Variants in MRPL48 observed in about 807,000 individuals in gnomAD.
MRPL48 encodes the protein large ribosomal subunit protein mL48.
Under a neutral mutation model 32.9 loss-of-function variants are expected in MRPL48, and 16 were observed. The ratio of observed to expected loss-of-function variants is 0.49; its 90% CI spans 0.33 to 0.74. The LOEUF is 0.74. Among genes scored for constraint, MRPL48 ranks in the 30% least tolerant of loss-of-function variants. The pLI is 0.02. For missense variants in MRPL48, 206 were observed against 245.3 expected (o/e 0.84, Z 1.07); for synonymous variants, 94 against 89.2 (o/e 1.05, Z -0.31).
At chr11:73,844,004 G>A (rs796738232) in intron 4 of MRPL48, among the ~76,000 whole-genome samples, 10 of 152,096 alleles carry the variant, frequency 6.6e-5, no homozygotes, top group South Asian at 6.2e-4. Flanking sequence ...GCTTGAACCC[G>A]GGAGGTAGAG....
chr11:73,856,930 G>A (rs945205249), intron 5 of MRPL48, among the ~76,000 whole-genome samples: 1 of 152,008 alleles, frequency 6.6e-6, no homozygotes, highest in Non-Finnish European at 1.5e-5. Context: ...AAACCCATAC[G>A]TACTTTTACA....
chr11:73,822,463 A>G (rs1220718007), intron 3 of MRPL48, among the ~76,000 whole-genome samples: 4 of 152,184 alleles, frequency 2.6e-5, no homozygotes, highest in African/African-American at 9.7e-5. Flanking sequence ...TTGTCTTTGT[A>G]ACTGTCTCAG....
At chr11:73,857,636 C>T (rs1447396516) in intron 5 of MRPL48, among the ~76,000 whole-genome samples, 1 of 147,076 alleles carries the variant, frequency 6.8e-6, no homozygotes, top group Non-Finnish European at 1.5e-5. Context: ...GCTCTGTCGC[C>T]CAGGCTGGAG....
chr11:73,827,967 C>T (rs1223830138), intron 4 of MRPL48, among the ~76,000 whole-genome samples: 1 of 152,138 alleles, frequency 6.6e-6, no homozygotes, highest in African/African-American at 2.4e-5. Context: ...GTAAGTCAAC[C>T]TTCCCCGTCT....
At chr11:73,829,799 C>G (rs1373758187) in intron 4 of MRPL48, among the ~76,000 whole-genome samples, 1 of 152,220 alleles carries the variant, frequency 6.6e-6, no homozygotes, top group Non-Finnish European at 1.5e-5. Context: ...GGTTCTCGCT[C>G]TGTCACCCAG....
At chr11:73,863,428 C>T (rs1358402669) in intron 7 of MRPL48, among the ~76,000 whole-genome samples, 167 bp downstream of exon 7, 1 of 152,052 alleles carries the variant, frequency 6.6e-6, no homozygotes, top group African/African-American at 2.4e-5. Context: ...ATCATTAGTC[C>T]AGCTTCTGAG....
At chr11:73,815,368 C>T (rs1947645068) in intron 3 of MRPL48, among the ~76,000 whole-genome samples, 2 of 151,946 alleles carry the variant, frequency 1.3e-5, no homozygotes, top group East Asian at 1.9e-4. Flanking sequence ...GAGCCGAGAC[C>T]ACGCCATCGC....
intron 4 of MRPL48, among the ~76,000 whole-genome samples, chr11:73,837,151 C>G (rs1336915812): frequency 6.6e-6 from 1 of 152,144 alleles, no homozygotes; most frequent in Non-Finnish European, 1.5e-5. Flanking sequence ...GGCATATCAG[C>G]CTTTTTGTTT....
intron 3 of MRPL48, among the ~76,000 whole-genome samples, chr11:73,815,895 T>A (rs1295506017): frequency 1.3e-5 from 2 of 150,860 alleles, no homozygotes; most frequent in African/African-American, 4.8e-5. Flanking sequence ...GACTTTTATT[T>A]TTTTTTTTTT....
At chr11:73,795,788 G>C (rs1251989517) in intron 1 of MRPL48, among the ~76,000 whole-genome samples, 1 of 152,074 alleles carries the variant, frequency 6.6e-6, no homozygotes, top group African/African-American at 2.4e-5. Flanking sequence ...TTACAGGCTT[G>C]AGCCACTGCA....
chr11:73,790,578 G>T (rs1475505327), intron 1 of MRPL48, among the ~76,000 whole-genome samples: 4 of 151,238 alleles, frequency 2.6e-5, no homozygotes, highest in Non-Finnish European at 5.9e-5. Flanking sequence ...TAGAGACGGG[G>T]TTTCACCGTG....
chr11:73,859,939 T>C lies in MRPL48; in HGVS notation c.404T>C (p.Leu135Ser). 1 of 1,613,872 alleles carries C rather than the reference T, an allele frequency of 6.2e-7. No homozygotes were observed. Among genetic ancestry groups the C allele is most frequent in the African/African-American group, 1.3e-5 (1 of 75,030 alleles). The change falls in exon 6 of 8, where the codon TTG (leucine) becomes TCG (serine). Residue 135 changes from leucine to serine, a missense_variant. Transcript: ENST00000310614. ...ATGCCAACCAAAACCATAGAAGTGT[T>C]GCAGTTGCAGGACCAAGGCAGCAAA... The part of the protein sequence containing the change: ...YAMPTKTIEV[L>S]QLQDQGSKML...
At chr11:73,803,077 T>G (rs916468567) in intron 1 of MRPL48, among the ~76,000 whole-genome samples, 1 of 152,066 alleles carries the variant, frequency 6.6e-6, no homozygotes, top group South Asian at 2.1e-4. Context: ...GTACACAGAG[T>G]TCCCATATAT....
intron 3 of MRPL48, among the ~76,000 whole-genome samples, chr11:73,815,589 A>G (rs756052979): frequency 3.9e-5 from 6 of 152,090 alleles, no homozygotes; most frequent in Non-Finnish European, 8.8e-5. Context: ...CCTAGGTTCA[A>G]GGGATCCTTC....
chr11:73,864,258 G>A (rs1458200559), intron 7 of MRPL48, 38 bp from the exon 8 acceptor site: 1 of 1,585,558 alleles, frequency 6.3e-7, no homozygotes, highest in Middle Eastern at 1.7e-4. Context: ...TAAAAGCTCT[G>A]CAGTAATTAC....
intron 1 of MRPL48, among the ~76,000 whole-genome samples, chr11:73,798,675 A>G (rs1035114417): frequency 1.1e-4 from 17 of 152,046 alleles, no homozygotes; most frequent in African/African-American, 3.9e-4. Flanking sequence ...CAGAGAGGCT[A>G]GTATTGGTTG....
intron 1 of MRPL48, among the ~76,000 whole-genome samples, chr11:73,793,475 T>A (rs549202389): frequency 6.6e-6 from 1 of 152,308 alleles, no homozygotes; most frequent in African/African-American, 2.4e-5. Flanking sequence ...AACAGAAGGA[T>A]CCAAGCAAGT....
Position 73,787,938 on chromosome 11 carries a change from G to A in MRPL48, c.-34G>A. 1 of 1,610,310 alleles carries A rather than the reference G, an allele frequency of 6.2e-7. No homozygotes were observed. Among genetic ancestry groups the A allele is most frequent in the Non-Finnish European group, 8.5e-7 (1 of 1,177,868 alleles). ...ACGCGGCTGCAGGGTCCGGTCTTCG[G>A]TTTGCACAGCTAGAGGCCGCGCAGC... On this transcript the variant is annotated 5_prime_UTR_variant, in exon 1 of 8. Coordinates refer to ENST00000310614, the MANE Select transcript of MRPL48 (RefSeq NM_016055.6).
At position 73,800,016 on chromosome 11, in the gene MRPL48, A is replaced by AT. The variant is rs1218244775; in HGVS notation, c.22-5010dup. Among the ~76,000 whole-genome samples the AT allele has an allele frequency of 1.7e-4, 26 of 152,320 alleles. No homozygotes were observed. In the East Asian group the frequency reaches 4.6e-3, roughly 27 times the overall value. On this transcript the variant is annotated intron_variant, in intron 1 of 7. Coordinates refer to ENST00000310614, the MANE Select transcript of MRPL48 (RefSeq NM_016055.6). The stretch of plus-strand genomic sequence containing the variant: ...GGTTTGAATTTCTCTTACCAAACCT[A>AT]TAACTTTGGGCAATTTACATAAACT...
Sources: allele counts gnomAD v4.1 joint callset (sites outside exome capture counted in the v4.1 genomes callset), GRCh38; gene constraint gnomAD v4.1.1; transcripts MANE v1.5; gene names NCBI Gene and HGNC (gene_info 2026-07-23, HGNC 2026-07-21).